Variants in CDYL2 observed in about 807,000 individuals in gnomAD.
CDYL2 encodes chromodomain Y like 2, also known as chromodomain Y-like protein 2.
A neutral mutation model predicts 49.4 loss-of-function variants in CDYL2; 23 were observed. The observed-to-expected ratio is 0.47, with a 90% CI of 0.34 to 0.66. The LOEUF (loss-of-function observed/expected upper bound fraction) is 0.66, where lower values mean the gene tolerates loss of function less well. Among genes scored for constraint, CDYL2 ranks in the 30% least tolerant of loss-of-function variants. The pLI, the probability that CDYL2 is intolerant of heterozygous loss-of-function variation, is 0.01. For synonymous variants in CDYL2, 360 were observed against 268.8 expected, an observed-to-expected ratio of 1.34 and a Z score of -3.32; for missense variants, 678 against 656.4, an observed-to-expected ratio of 1.03 and a Z score of -0.36.
chr16:80,745,920 C>A (rs964453527), intron 1 of CDYL2, among the ~76,000 whole-genome samples: 1 of 152,186 alleles, frequency 6.6e-6, no homozygotes, highest in South Asian at 2.1e-4. Context: ...AGAAGTAACA[C>A]GTGGCCGCGA....
At chr16:80,715,400 C>A (rs1465366007) in intron 1 of CDYL2, among the ~76,000 whole-genome samples, 1 of 152,138 alleles carries the variant, frequency 6.6e-6, no homozygotes, top group African/African-American at 2.4e-5. Flanking sequence ...AGGCGAGGAG[C>A]CATTCTGACA....
Position 80,612,248 on chromosome 16 carries a change from TC to T in CDYL2, c.1218+377del, listed in dbSNP as rs1906632248. The stretch of plus-strand genomic sequence containing the variant: ...ATTTACTGGACGGGAGACACCTGGG[TC>T]CCCAGAGAGTGTGGGTGGCCCCTAC... On this transcript the variant is annotated intron_variant, in intron 5 of 6. Transcript: ENST00000570137. The surrounding 1 kb of genome is among the most constrained non-coding windows in gnomAD (Gnocchi z 5.0). Among the ~76,000 whole-genome samples the T allele has an allele frequency of 6.6e-6, 1 of 151,992 alleles. No homozygotes were observed. Among genetic ancestry groups the T allele is most frequent in the Admixed American group, 6.6e-5 (1 of 15,256 alleles).
intron 1 of CDYL2, among the ~76,000 whole-genome samples, chr16:80,798,631 A>G (rs947483064): frequency 2.0e-5 from 3 of 152,224 alleles, no homozygotes; most frequent in South Asian, 4.1e-4. Context: ...TTATGTTATC[A>G]GTAAGACTTC....
In CDYL2 at chr16:80,662,182, A is replaced by G. The variant is rs569444737; in HGVS notation, c.616+22356T>C. On this transcript the variant is annotated intron_variant, in intron 2 of 6. Transcript: ENST00000570137. ...ACCTAGATGACTAACTCGTATTTAT[A>G]TCACATCTGGCGCTCTGAGTGAGAT... Among the ~76,000 whole-genome samples the G allele has an allele frequency of 4.6e-5, 7 of 152,302 alleles. 1 individual carries two copies. The South Asian group carries it at 1.2e-3, about 27-fold the overall frequency.
At chr16:80,623,511 G>A (rs1406699179) in intron 3 of CDYL2, among the ~76,000 whole-genome samples, 1 of 152,164 alleles carries the variant, frequency 6.6e-6, no homozygotes, top group East Asian at 1.9e-4. Context: ...TAGACCAGCA[G>A]CTTCACATTC....
At chr16:80,635,603 A>G (rs1360516608) in intron 2 of CDYL2, among the ~76,000 whole-genome samples, 4 of 152,250 alleles carry the variant, frequency 2.6e-5, no homozygotes, top group African/African-American at 7.2e-5. Flanking sequence ...GCTCATGGAA[A>G]GGAAGAATCA....
At chr16:80,641,890 A>ATT (rs2142405461) in intron 2 of CDYL2, among the ~76,000 whole-genome samples, 1 of 151,390 alleles carries the variant, frequency 6.6e-6, no homozygotes, top group South Asian at 2.1e-4. Flanking sequence ...TAAAACTTAA[A>ATT]GTATAATAAT....
At position 80,760,472 on chromosome 16, in the gene CDYL2, T is replaced by C. The variant is rs532735076; in HGVS notation, c.24+43678A>G. Among the ~76,000 whole-genome samples the C allele has an allele frequency of 6.6e-5, 10 of 152,284 alleles. No individual in the cohort carries two copies. The East Asian group carries it at 1.9e-3, about 29-fold the overall frequency. On this transcript the variant is annotated intron_variant, in intron 1 of 6. Transcript: ENST00000570137. ...AATAACGTAATTGTACATTTTAAAA[T>C]AACTAAGAGTGTCAATGGATTGTTT...
chr16:80,684,348 A>T (rs1910088319), intron 2 of CDYL2, among the ~76,000 whole-genome samples, 190 bp downstream of exon 2: 1 of 152,122 alleles, frequency 6.6e-6, no homozygotes, highest in Admixed American at 6.5e-5. Flanking sequence ...CACATGCATG[A>T]GGGTCTGTAA....
intron 2 of CDYL2, among the ~76,000 whole-genome samples, chr16:80,678,755 TTACTGGGTATA>T (rs1909855664): frequency 6.6e-6 from 1 of 150,950 alleles, no homozygotes; most frequent in Non-Finnish European, 1.5e-5. Flanking sequence ...AGCCATCCCA[TTACTGGGTATA>T]TACCCAAAGG....
intron 1 of CDYL2, among the ~76,000 whole-genome samples, chr16:80,739,612 C>A (rs1028941690): frequency 6.6e-6 from 1 of 152,134 alleles, no homozygotes; most frequent in Non-Finnish European, 1.5e-5. Flanking sequence ...CCAGAGAGAC[C>A]CTAGCACTGC....
intron 5 of CDYL2, among the ~76,000 whole-genome samples, chr16:80,611,673 T>C (rs1430107805): frequency 1.3e-5 from 2 of 152,234 alleles, no homozygotes; most frequent in East Asian, 3.8e-4. Flanking sequence ...TACCACTGCA[T>C]GCCTTTAGAC....
rs532051020 is a variant in CDYL2, at chr16:80,656,520, T to C, written c.617-23284A>G. Among the ~76,000 whole-genome samples the C allele has an allele frequency of 4.6e-5, 7 of 152,294 alleles. No homozygotes were observed. The East Asian group carries it at 9.7e-4, about 21-fold the overall frequency. On this transcript the variant is annotated intron_variant, in intron 2 of 6. Coordinates refer to ENST00000570137, the MANE Select transcript of CDYL2 (RefSeq NM_152342.4). ...GAGGGCAGCTGAGAAGTAAAGGAAA[T>C]GGTGCATGCTACATATCTGGAAAAT...
At chr16:80,659,045 T>C (rs923092653) in intron 2 of CDYL2, among the ~76,000 whole-genome samples, 1 of 144,992 alleles carries the variant, frequency 6.9e-6, no homozygotes, top group Admixed American at 7.1e-5. Context: ...GTACTCACGA[T>C]AGAGGTGATG....
intron 6 of CDYL2, among the ~76,000 whole-genome samples, chr16:80,605,224 T>G (rs1344094139): frequency 6.6e-6 from 1 of 151,510 alleles, no homozygotes; most frequent in Admixed American, 6.6e-5. Context: ...AAATGATCTA[T>G]GATTATTCAT....
intron 2 of CDYL2, among the ~76,000 whole-genome samples, chr16:80,672,444 G>A (rs1909556880): frequency 1.3e-5 from 2 of 150,570 alleles, no homozygotes. Flanking sequence ...ATAAGGTGAT[G>A]TAAGAAAGCC....
intron 1 of CDYL2, among the ~76,000 whole-genome samples, chr16:80,746,081 C>T (rs554962941): frequency 6.6e-6 from 1 of 152,272 alleles, no homozygotes; most frequent in African/African-American, 2.4e-5. Context: ...AGGAAGCAAA[C>T]CTCAGAAGAC....
intron 3 of CDYL2, among the ~76,000 whole-genome samples, chr16:80,631,095 C>T (rs1907540759): frequency 1.3e-5 from 2 of 152,172 alleles, no homozygotes; most frequent in Non-Finnish European, 2.9e-5. Context: ...ACAGAAGAGA[C>T]AAAAGGGCGA....
intron 2 of CDYL2, among the ~76,000 whole-genome samples, chr16:80,677,612 G>A (rs964288677): frequency 2.5e-4 from 38 of 152,104 alleles, no homozygotes; most frequent in Non-Finnish European, 2.1e-4. Flanking sequence ...GGTGGCAGGC[G>A]CCTGTAGTCC....
Sources: allele counts gnomAD v4.1 joint callset (sites outside exome capture counted in the v4.1 genomes callset), GRCh38; gene constraint gnomAD v4.1.1; non-coding constraint Gnocchi (gnomAD v3.1); transcripts MANE v1.5; gene names NCBI Gene and HGNC (gene_info 2026-07-23, HGNC 2026-07-21).